Variants in MYT1L observed in about 807,000 individuals in gnomAD.
MYT1L encodes myelin transcription factor 1-like protein.
A neutral mutation model predicts 126.7 loss-of-function variants in MYT1L; 12 were observed. The ratio of observed to expected loss-of-function variants is 0.09; its 90% CI spans 0.06 to 0.15. The LOEUF (loss-of-function observed/expected upper bound fraction) is 0.15. MYT1L is among the 10% of genes least tolerant of loss of function. The pLI, the probability that MYT1L is intolerant of heterozygous loss-of-function variation, is 1.00. For synonymous variants in MYT1L, 541 were observed against 604.2 expected (o/e 0.90, Z 1.53); for missense variants, 979 against 1,585.2 (o/e 0.62, Z 6.49).
chr2:1,900,002 A>G (rs1403624773), intron 14 of MYT1L, among the ~76,000 whole-genome samples: 3 of 152,202 alleles, frequency 2.0e-5, no homozygotes, highest in Non-Finnish European at 2.9e-5. Flanking sequence ...GCTGTAGGGA[A>G]GGTCCTATGT....
chr2:1,990,082 G>A (rs2061351293), intron 5 of MYT1L, among the ~76,000 whole-genome samples: 1 of 152,214 alleles, frequency 6.6e-6, no homozygotes, highest in African/African-American at 2.4e-5. Context: ...CACAAGTATA[G>A]TATGAAATAA....
At chr2:2,262,529 A>G (rs1276240160) in intron 2 of MYT1L, among the ~76,000 whole-genome samples, 1 of 151,926 alleles carries the variant, frequency 6.6e-6, no homozygotes, top group African/African-American at 2.4e-5. Context: ...CGTCTCTACT[A>G]AAACTACAAA....
intron 8 of MYT1L, among the ~76,000 whole-genome samples, chr2:1,952,229 G>GT (rs1174635402): frequency 2.0e-5 from 3 of 152,050 alleles, no homozygotes; most frequent in Non-Finnish European, 4.4e-5. Context: ...GCAGGGAGTT[G>GT]TTTTTTTATC....
chr2:2,117,753 C>T (rs562445164), intron 3 of MYT1L, among the ~76,000 whole-genome samples: 7 of 152,080 alleles, frequency 4.6e-5, no homozygotes, highest in African/African-American at 1.2e-4. Flanking sequence ...AATTAGGAAA[C>T]ATACTAGAAA....
chr2:2,245,767 G>A (rs908730424), intron 2 of MYT1L, among the ~76,000 whole-genome samples: 2 of 152,112 alleles, frequency 1.3e-5, no homozygotes, highest in African/African-American at 4.8e-5. Context: ...CCTGCTGAAG[G>A]CTGTTAATCA....
chr2:1,975,833 C>A (rs2149471427), intron 8 of MYT1L, among the ~76,000 whole-genome samples: 1 of 152,268 alleles, frequency 6.6e-6, no homozygotes, highest in South Asian at 2.1e-4. Context: ...CACTGCACTC[C>A]AGCATGAGTG....
At chr2:2,161,416 G>C (rs927862422) in intron 3 of MYT1L, among the ~76,000 whole-genome samples, 2 of 152,322 alleles carry the variant, frequency 1.3e-5, no homozygotes, top group East Asian at 3.9e-4. Context: ...ACTTGGATTT[G>C]CTTCAGAGTG....
At chr2:1,895,543 G>T (rs2049459601) in intron 14 of MYT1L, among the ~76,000 whole-genome samples, 1 of 152,188 alleles carries the variant, frequency 6.6e-6, no homozygotes, top group African/African-American at 2.4e-5. Flanking sequence ...AGGAAACTCA[G>T]AAATAAAGCC....
At chr2:1,864,149 C>T (rs2045121269) in intron 18 of MYT1L, among the ~76,000 whole-genome samples, 1 of 152,180 alleles carries the variant, frequency 6.6e-6, no homozygotes, top group Admixed American at 6.5e-5. Context: ...AACAAAGATG[C>T]CTCTTCAGGG....
intron 3 of MYT1L, among the ~76,000 whole-genome samples, chr2:2,152,592 A>G (rs913646393): frequency 6.6e-6 from 1 of 152,164 alleles, no homozygotes; most frequent in African/African-American, 2.4e-5. Flanking sequence ...CATTCTGTGC[A>G]GAGGACAGAA....
intron 18 of MYT1L, among the ~76,000 whole-genome samples, chr2:1,878,308 C>CA (rs1297367704): frequency 6.6e-6 from 1 of 151,642 alleles, no homozygotes; most frequent in Non-Finnish European, 1.5e-5. Context: ...CTGCATTAAA[C>CA]AAAAAAAGAT....
chr2:1,859,958 A>G (rs1308895169), intron 18 of MYT1L, among the ~76,000 whole-genome samples: 4 of 152,178 alleles, frequency 2.6e-5, no homozygotes, highest in African/African-American at 9.7e-5. Flanking sequence ...CTGTTTGGGG[A>G]GCACCCAGGG....
intron 19 of MYT1L, among the ~76,000 whole-genome samples, chr2:1,849,660 C>T (rs2042962235): frequency 6.6e-6 from 1 of 152,262 alleles, no homozygotes; most frequent in Non-Finnish European, 1.5e-5. Flanking sequence ...TCTGCCCCCA[C>T]TTGCCAGCAC....
intron 13 of MYT1L, among the ~76,000 whole-genome samples, chr2:1,904,537 T>G (rs1209057120): frequency 6.6e-6 from 1 of 151,396 alleles, no homozygotes; most frequent in Non-Finnish European, 1.5e-5. Context: ...CCTGGCTAAT[T>G]TTTTTGCATT....
chr2:2,239,491 G>A (rs2094394234), intron 2 of MYT1L, among the ~76,000 whole-genome samples: 1 of 152,184 alleles, frequency 6.6e-6, no homozygotes, highest in Admixed American at 6.5e-5. Context: ...CATATAAGCA[G>A]TTACTGGTTA....
chr2:1,831,174 CCAGATGGAG>C (rs1391377224), intron 21 of MYT1L, among the ~76,000 whole-genome samples: 13 of 143,962 alleles, frequency 9.0e-5, no homozygotes, highest in African/African-American at 3.2e-4. Context: ...AAGTCCTTGT[CCAGATGGAG>C]CAGATGGAGC....
intron 3 of MYT1L, among the ~76,000 whole-genome samples, chr2:2,138,735 C>T (rs2083461292): frequency 6.9e-6 from 1 of 145,324 alleles, no homozygotes; most frequent in Non-Finnish European, 1.5e-5. Context: ...GGGAGATATA[C>T]CTAATGCTAG....
intron 9 of MYT1L, among the ~76,000 whole-genome samples, chr2:1,941,711 ATG>A (rs1192848871): frequency 6.6e-6 from 1 of 150,830 alleles, no homozygotes; most frequent in Non-Finnish European, 1.5e-5. Flanking sequence ...ATATCTATCT[ATG>A]TGTGTGTACA....
intron 1 of MYT1L, among the ~76,000 whole-genome samples, chr2:2,287,362 A>G (rs1299568633): frequency 6.6e-6 from 1 of 152,230 alleles, no homozygotes; most frequent in Non-Finnish European, 1.5e-5. Context: ...TGACTAGACG[A>G]AGTTATTTAA....
Sources: gnomAD v4.1 joint callset for allele counts (sites outside exome capture counted in the v4.1 genomes callset) on GRCh38, gnomAD v4.1.1 for gene constraint, MANE v1.5 for transcripts, NCBI Gene and HGNC (gene_info 2026-07-23, HGNC 2026-07-21) for gene names.